Variants in TNFRSF10A observed in about 807,000 individuals in gnomAD.
TNFRSF10A encodes tumor necrosis factor receptor superfamily member 10A.
TNFRSF10A carries 44 observed loss-of-function variants against 42.8 expected under a neutral mutation model. The observed-to-expected ratio is 1.03, with a 90% CI of 0.81 to 1.32. The LOEUF (loss-of-function observed/expected upper bound fraction) is 1.32. TNFRSF10A is among the 40% of genes most tolerant of loss of function. The pLI is 0.00. For missense variants in TNFRSF10A, 680 were observed against 602.0 expected, an observed-to-expected ratio of 1.13 and a Z score of -1.36; for synonymous variants, 259 against 234.2, an observed-to-expected ratio of 1.11 and a Z score of -0.97.
chr8:23,199,098 T>G (rs1246417078), intron 8 of TNFRSF10A, among the ~76,000 whole-genome samples, 168 bp downstream of exon 8: 1 of 152,132 alleles, frequency 6.6e-6, no homozygotes, highest in Non-Finnish European at 1.5e-5. Context: ...GAAGCAGACA[T>G]TTGGAAGAGT....
chr8:23,206,952 C>G (rs1378101178), intron 2 of TNFRSF10A: 3 of 315,388 alleles, frequency 9.5e-6, no homozygotes, highest in African/African-American at 6.6e-5. Context: ...GCTCCTGCCC[C>G]TCCTAAAGCT....
intron 3 of TNFRSF10A, 27 bp downstream of exon 3, chr8:23,202,621 T>C (rs1218134482): frequency 1.3e-6 from 2 of 1,592,574 alleles, no homozygotes; most frequent in Non-Finnish European, 1.7e-6. Context: ...ACTCCACCTC[T>C]GGACAAGAGG....
rs749966434 is a variant in TNFRSF10A at position 23,199,943 on chromosome 8, TG to T, written c.800-27del. ...CTAGAAGAGAAGACGGTTCCCTTAG[TG>T]GCCAGGGAGGGGCCCATGCAGCACT... On this transcript the variant is annotated intron_variant, in intron 6 of 9. Coordinates refer to ENST00000221132, the MANE Select transcript of TNFRSF10A (RefSeq NM_003844.4). 1.6e-5 allele frequency: 26 copies of T among 1,607,196 alleles called. No homozygotes were observed. The South Asian group carries it at 2.7e-4, about 17-fold the overall frequency.
At chr8:23,218,891 T>A (rs1173936914) in intron 1 of TNFRSF10A, among the ~76,000 whole-genome samples, 1 of 152,248 alleles carries the variant, frequency 6.6e-6, no homozygotes, top group Non-Finnish European at 1.5e-5. Context: ...TTCATTTACA[T>A]ATGAAGTGCT....
chr8:23,219,082 C>T lies in TNFRSF10A; in HGVS notation c.306+5674G>A, dbSNP rs549576613. Among the ~76,000 whole-genome samples the T allele has an allele frequency of 1.8e-3, 279 of 152,234 alleles. 2 individuals are homozygous for T. Among genetic ancestry groups the T allele is most frequent in the African/African-American group, 6.5e-3 (271 of 41,540 alleles). ...GATGGCATCCCTGGAGCCGGCACAGCCTCTCTGGAGGTGGGGGGTGGGGGA... is the reference window on the plus strand; with the variant it reads ...GATGGCATCCCTGGAGCCGGCACAGTCTCTCTGGAGGTGGGGGGTGGGGGA... On this transcript the variant is annotated intron_variant, in intron 1 of 9. Coordinates refer to ENST00000221132, the MANE Select transcript of TNFRSF10A (RefSeq NM_003844.4).
Position 23,206,455 on chromosome 8 carries a change from T to C in TNFRSF10A, c.404-3694A>G, listed in dbSNP as rs75507109. On this transcript the variant is annotated intron_variant, in intron 2 of 9. Coordinates refer to ENST00000221132, the MANE Select transcript of TNFRSF10A (RefSeq NM_003844.4). ...TTTATACCATATTTTTATTGGGCCTTTTCTATGTTCACATGTTTAGGAACT... is the reference window on the plus strand; with the variant it reads ...TTTATACCATATTTTTATTGGGCCTCTTCTATGTTCACATGTTTAGGAACT... Among the ~76,000 whole-genome samples, 52 of 152,358 alleles carry C rather than the reference T, an allele frequency of 3.4e-4. No individual in the cohort carries two copies. The East Asian group carries it at 8.5e-3, about 25-fold the overall frequency.
rs6999619 is a variant in TNFRSF10A at position 23,210,543 on chromosome 8, G to T, written c.403+1573C>A. Among the ~76,000 whole-genome samples, 885 of 152,172 alleles carry T rather than the reference G, an allele frequency of 5.8e-3. 12 individuals carry two copies. The highest frequency in any genetic ancestry group is 0.02 in the African/African-American group (834 of 41,498). On this transcript the variant is annotated intron_variant, in intron 2 of 9. Transcript: ENST00000221132. ...AAAAAATACAAAAAATTAGCTGGGCGTGGTGGCAGGCGCCTGTAGTCCCTG... is the reference window on the plus strand; with the variant it reads ...AAAAAATACAAAAAATTAGCTGGGCTTGGTGGCAGGCGCCTGTAGTCCCTG...
chr8:23,198,323 T>C (rs931809411), intron 8 of TNFRSF10A, among the ~76,000 whole-genome samples: 1 of 152,122 alleles, frequency 6.6e-6, no homozygotes, highest in African/African-American at 2.4e-5. Context: ...CCATAAGAAG[T>C]TAGAGGAGTT....
chr8:23,224,518 G>C, intron 1 of TNFRSF10A: 1 of 553,166 alleles, frequency 1.8e-6, no homozygotes, highest in Non-Finnish European at 3.2e-6. Context: ...CAACGGGGTG[G>C]AGTCCCCGGG....
intron 2 of TNFRSF10A, among the ~76,000 whole-genome samples, chr8:23,208,891 C>T (rs766519692): frequency 1.3e-5 from 2 of 152,180 alleles, no homozygotes; most frequent in Non-Finnish European, 2.9e-5. Context: ...TAATGAGGAG[C>T]TGAGTGTTAA....
In TNFRSF10A at chr8:23,201,925, GA is replaced by G; in HGVS notation, c.518-7del. 1 of 1,611,910 alleles carries G rather than the reference GA, an allele frequency of 6.2e-7. No homozygotes were observed. The highest frequency in any genetic ancestry group is 2.2e-5 in the East Asian group (1 of 44,864). ...GGGACTTCTCTCTTCTTCATCTGAT[GA>G]CAGAGTACAAGGTTTTGGGAATGTG... On this transcript the variant is annotated splice_polypyrimidine_tract_variant and splice_region_variant and intron_variant, in intron 3 of 9. Transcript: ENST00000221132.
At chr8:23,210,882 A>G (rs541587219) in intron 2 of TNFRSF10A, among the ~76,000 whole-genome samples, 2 of 152,220 alleles carry the variant, frequency 1.3e-5, no homozygotes, top group African/African-American at 2.4e-5. Context: ...CTTTCATGAT[A>G]AAAATCACAA....
chr8:23,192,574 G>A lies in TNFRSF10A; in HGVS notation c.1088-561C>T, dbSNP rs568326979. On this transcript the variant is annotated intron_variant, in intron 9 of 9. Transcript: ENST00000221132. ...ATCTCAGGACTACCAGGGATTGAAT[G>A]AAATGAGATGTGTGTGCAAAGCACT... 2.6e-5 allele frequency among the ~76,000 whole-genome samples: 4 copies of A among 152,324 alleles called. No individual in the cohort carries two copies. In the East Asian group the frequency reaches 7.7e-4, roughly 29 times the overall value.
In TNFRSF10A at chr8:23,197,148, A is replaced by G. The variant is rs768960419; in HGVS notation, c.1071T>C (p.Gly357=). Residue 357 remains glycine (G), a synonymous_variant, in exon 9 of 10, where the codon GGT becomes GGC. Transcript: ENST00000221132. ...QRRRLLVPAN[G]ADPTETLMLF... ...AACACTTACTCTCAGTGGGGTCAGC[A>G]CCATTTGCTGGAACCAGCAGCCTCC... 7.4e-6 allele frequency: 12 copies of G among 1,613,984 alleles called. No homozygotes were observed.
intron 2 of TNFRSF10A, among the ~76,000 whole-genome samples, chr8:23,204,391 A>G (rs1016986648): frequency 3.9e-5 from 6 of 152,226 alleles, no homozygotes; most frequent in African/African-American, 1.4e-4. Flanking sequence ...ACTGCATGGA[A>G]GAAATCTTGA....
chr8:23,196,845 C>A (rs902786120), intron 9 of TNFRSF10A, among the ~76,000 whole-genome samples: 2 of 152,178 alleles, frequency 1.3e-5, no homozygotes, highest in African/African-American at 4.8e-5. Flanking sequence ...CAGGACAGGG[C>A]AGCCCCTCAG....
Position 23,197,203 on chromosome 8 carries a change from C to G in TNFRSF10A, c.1016G>C (p.Gly339Ala). The G allele has an allele frequency of 1.2e-6, 2 of 1,614,136 alleles. No individual in the cohort carries two copies. The highest frequency in any genetic ancestry group is 1.7e-6 in the Non-Finnish European group (2 of 1,180,004). The change falls in exon 9 of 10, where the codon GGA becomes GCA. Residue 339 changes from glycine to alanine, a missense_variant and splice_region_variant. By Grantham distance (60) the Gly-to-Ala change is moderately conservative. Transcript: ENST00000221132. ...QSPGEAQCLLGPAEAEGSQRR... is the reference protein window; with the variant it reads ...QSPGEAQCLLAPAEAEGSQRR... ...CTGAGACCCTTCAGCTTCTGCCGGT[C>G]CCTGTAACACACAGTGGGGAATGCC...
At chr8:23,220,486 C>T (rs1801242619) in intron 1 of TNFRSF10A, among the ~76,000 whole-genome samples, 1 of 152,234 alleles carries the variant, frequency 6.6e-6, no homozygotes, top group African/African-American at 2.4e-5. Flanking sequence ...TCCTCTTCAG[C>T]TGTGACTCTG....
intron 1 of TNFRSF10A, among the ~76,000 whole-genome samples, chr8:23,219,473 C>T (rs1269404681): frequency 6.6e-6 from 1 of 150,982 alleles, no homozygotes; most frequent in Non-Finnish European, 1.5e-5. Context: ...TTTAGCCCTG[C>T]AGAAGCCAAA....
Sources: allele counts gnomAD v4.1 joint callset (sites outside exome capture counted in the v4.1 genomes callset), GRCh38; gene constraint gnomAD v4.1.1; transcripts MANE v1.5; gene names NCBI Gene and HGNC (gene_info 2026-07-23, HGNC 2026-07-21).